Variants in PDZD2 observed in about 807,000 individuals in gnomAD.
PDZD2 encodes the protein PDZ domain containing 2.
In PDZD2, 90 loss-of-function variants were observed where a neutral mutation model predicts 220.7. That is an observed-to-expected ratio of 0.41 (90% CI 0.34 to 0.49). The LOEUF is 0.49. Among genes scored for constraint, PDZD2 ranks in the 20% least tolerant of loss-of-function variants. PDZD2 has a pLI of 0.28. For missense variants in PDZD2, 3,174 were observed against 3,608.5 expected (o/e 0.88, Z 3.08); for synonymous variants, 1,375 against 1,450.5 (o/e 0.95, Z 1.18).
At chr5:31,928,217 A>G (rs1010795150) in intron 2 of PDZD2, among the ~76,000 whole-genome samples, 2 of 152,132 alleles carry the variant, frequency 1.3e-5, no homozygotes, top group Admixed American at 1.3e-4. Context: ...ATTTCACTAT[A>G]AAAAGATGGG....
intron 2 of PDZD2, among the ~76,000 whole-genome samples, chr5:31,883,216 CT>C (rs58100064): frequency 0.021 from 1,962 of 94,472 alleles, 24 homozygotes; most frequent in African/African-American, 0.078. Context: ...AGCATGCTAC[CT>C]TTTTTTTTTT....
chr5:31,702,838 C>T (rs921289266), intron 1 of PDZD2, among the ~76,000 whole-genome samples: 8 of 152,230 alleles, frequency 5.3e-5, no homozygotes, highest in African/African-American at 1.9e-4. Flanking sequence ...TCCTTTGAAA[C>T]AAGAGACATG....
rs70957998 is a variant in PDZD2 at position 32,025,591 on chromosome 5, C to CTTTTTTTTTTTTTTTTTTTT, written c.1408-11631_1408-11612dup. On this transcript the variant is annotated intron_variant, in intron 6 of 24. Transcript: ENST00000438447. ...AGTGAGCCCAAATGTAACCATGATG[C>CTTTTTTTTTTTTTTTTTTTT]TTTTTTTTTTTTTTTTTTTTTTTTT... Among the ~76,000 whole-genome samples, 43 of 67,520 alleles carry CTTTTTTTTTTTTTTTTTTTT rather than the reference C, an allele frequency of 6.4e-4. 8 individuals carry two copies. Among genetic ancestry groups the CTTTTTTTTTTTTTTTTTTTT allele is most frequent in the African/African-American group, 1.2e-3 (18 of 15,246 alleles). The allele number at this position is 67,520 out of a possible 152,430, so 44.3% of individuals were successfully genotyped here.
At chr5:32,100,866 C>A (rs1744189601) in intron 23 of PDZD2, 1 of 1,560,452 alleles carries the variant, frequency 6.4e-7, no homozygotes, top group African/African-American at 1.3e-5. Context: ...TTGCAGAAAA[C>A]ACAGAACAAA....
intron 1 of PDZD2, among the ~76,000 whole-genome samples, chr5:31,690,548 C>A (rs956836075): frequency 6.6e-5 from 10 of 152,194 alleles, no homozygotes; most frequent in African/African-American, 2.2e-4. Flanking sequence ...ACTGTCTTTG[C>A]ATCTTCCAGC....
At chr5:31,952,805 A>G (rs1163713506) in intron 2 of PDZD2, among the ~76,000 whole-genome samples, 2 of 152,216 alleles carry the variant, frequency 1.3e-5, no homozygotes, top group African/African-American at 4.8e-5. Context: ...CATGCCTGTA[A>G]TCCCAGCACT....
At chr5:31,757,409 G>A (rs1751359746) in intron 1 of PDZD2, among the ~76,000 whole-genome samples, 1 of 152,088 alleles carries the variant, frequency 6.6e-6, no homozygotes, top group Non-Finnish European at 1.5e-5. Context: ...GGCTAACACG[G>A]TGAAACCCCA....
chr5:31,894,660 C>T (rs1442294501), intron 2 of PDZD2, among the ~76,000 whole-genome samples: 1 of 152,092 alleles, frequency 6.6e-6, no homozygotes, highest in Non-Finnish European at 1.5e-5. Context: ...GTCCTGACTT[C>T]ATTTTATTCT....
intron 7 of PDZD2, among the ~76,000 whole-genome samples, chr5:32,039,518 G>T (rs535756954): frequency 6.6e-6 from 1 of 152,174 alleles, no homozygotes; most frequent in South Asian, 2.1e-4. Context: ...GCCTCTGCCC[G>T]CCCGCCACCC....
chr5:31,647,466 G>T (rs1052297503), intron 1 of PDZD2, among the ~76,000 whole-genome samples: 1 of 152,122 alleles, frequency 6.6e-6, no homozygotes, highest in South Asian at 2.1e-4. Flanking sequence ...TGACAGGGCC[G>T]TGCTCCTTCT....
chr5:31,761,672 C>T (rs1245362880), intron 1 of PDZD2, among the ~76,000 whole-genome samples: 1 of 151,706 alleles, frequency 6.6e-6, no homozygotes, highest in African/African-American at 2.4e-5. Context: ...ACCAGCCTGG[C>T]CAACATGGTG....
Position 32,090,217 on chromosome 5 carries a change from G to A in PDZD2, c.6769G>A (p.Val2257Ile). 1 of 1,614,130 alleles carries A rather than the reference G, an allele frequency of 6.2e-7. No individual in the cohort carries two copies. Among genetic ancestry groups the A allele is most frequent in the Non-Finnish European group, 8.5e-7 (1 of 1,180,010 alleles). Residue 2257 changes from valine to isoleucine, a missense_variant, in exon 20 of 25, where the codon GTT (valine) becomes ATT (isoleucine). Physicochemically the swap from Val to Ile is conservative, Grantham distance 29. Transcript: ENST00000438447. This position sits in a 1 kb window ranked among gnomAD's most constrained non-coding sequence, Gnocchi z 4.3. The stretch of plus-strand genomic sequence containing the variant: ...CAGCCAGGTCCCTGTGACAAGCAGT[G>A]TTGTCCCCGAGGCAAAGGCATCCAG... ...RDSQVPVTSSVVPEAKASRGG... is the reference protein window; with the variant it reads ...RDSQVPVTSSIVPEAKASRGG...
intron 5 of PDZD2, among the ~76,000 whole-genome samples, chr5:32,004,064 G>A (rs180739770): frequency 7.3e-5 from 11 of 150,928 alleles, no homozygotes; most frequent in Admixed American, 2.0e-4. Flanking sequence ...TTGTCAAGTC[G>A]TTATCCAGAA....
intron 2 of PDZD2, among the ~76,000 whole-genome samples, chr5:31,900,922 A>G (rs1268254602): frequency 6.6e-6 from 1 of 152,148 alleles, no homozygotes; most frequent in African/African-American, 2.4e-5. Context: ...TTCTACTAAA[A>G]GTGAGTTTCC....
Position 31,751,242 on chromosome 5 carries a change from C to CA in PDZD2, c.-360-47632dup, listed in dbSNP as rs545923936. ...GGTGACAAGAGCGAAAGTACATCTC[C>CA]AAAAAAAAAAAAAAAGAGAGTGGCA... On this transcript the variant is annotated intron_variant, in intron 1 of 24. Transcript: ENST00000438447. Among the ~76,000 whole-genome samples the CA allele has an allele frequency of 8.0e-4, 105 of 131,574 alleles. 3 individuals are homozygous for CA. The highest frequency in any genetic ancestry group is 3.9e-3 in the Middle Eastern group (1 of 258). The allele number at this position is 131,574 out of a possible 152,430, so 86.3% of individuals were successfully genotyped here. A position where few individuals can be genotyped will look rare whatever the true frequency, so the allele number is the denominator to read the frequency against.
intron 1 of PDZD2, among the ~76,000 whole-genome samples, chr5:31,704,263 T>G (rs931229449): frequency 2.8e-4 from 42 of 152,308 alleles, no homozygotes; most frequent in African/African-American, 9.9e-4. Flanking sequence ...TCTGCCAACC[T>G]CAGCCTCCCA....
At chr5:31,730,527 A>G (rs1311359015) in intron 1 of PDZD2, among the ~76,000 whole-genome samples, 2 of 151,508 alleles carry the variant, frequency 1.3e-5, no homozygotes, top group Non-Finnish European at 2.9e-5. Flanking sequence ...ATAAATAAAT[A>G]CTCCAGGAAA....
intron 5 of PDZD2, among the ~76,000 whole-genome samples, chr5:32,003,199 C>T: frequency 9.5e-6 from 1 of 104,822 alleles, no homozygotes; most frequent in Non-Finnish European, 1.9e-5. Context: ...ACACTACACA[C>T]ACCACACACA....
intron 3 of PDZD2, among the ~76,000 whole-genome samples, chr5:31,986,999 G>T (rs1047471453): frequency 5.3e-5 from 8 of 150,462 alleles, no homozygotes; most frequent in South Asian, 2.1e-4. Context: ...TATATAAGCA[G>T]ATGACTATTT....
Sources: allele counts gnomAD v4.1 joint callset (sites outside exome capture counted in the v4.1 genomes callset), GRCh38; gene constraint gnomAD v4.1.1; non-coding constraint Gnocchi (gnomAD v3.1); transcripts MANE v1.5; gene names NCBI Gene and HGNC (gene_info 2026-07-23, HGNC 2026-07-21).